The following ENPP3 variants were observed in gnomAD, a reference collection of about 807,000 sequenced individuals.
ENPP3 encodes ectonucleotide pyrophosphatase/phosphodiesterase 3.
A neutral mutation model predicts 117.8 loss-of-function variants in ENPP3; 104 were observed. That is an observed-to-expected ratio of 0.88 (90% CI 0.75 to 1.04). ENPP3 has a LOEUF of 1.04. Among genes scored for constraint, ENPP3 ranks in the 50% least tolerant of loss-of-function variants. The probability of loss-of-function intolerance (pLI) is 0.00; values close to 1 mark genes in which losing one functional copy is unlikely to be tolerated. For synonymous variants in ENPP3, 380 were observed against 349.9 expected, an observed-to-expected ratio of 1.09 and a Z score of -0.96; for missense variants, 1,026 against 1,051.9, an observed-to-expected ratio of 0.98 and a Z score of 0.34.
rs80186023 is a variant in ENPP3, at chr6:131,675,481, C to T, written c.872+292C>T. The T allele has an allele frequency of 6.5e-3, 1,700 of 260,362 alleles. 30 individuals are homozygous for T. Among genetic ancestry groups the T allele is most frequent in the African/African-American group, 0.036 (1,620 of 44,718 alleles). The allele number at this position is 260,362 out of a possible 1,614,324, so 16.1% of individuals were successfully genotyped here. A position where few individuals can be genotyped will look rare whatever the true frequency, so the allele number is the denominator to read the frequency against. ...GCAGTTGCCTCTTTACTCATCTCTG[C>T]TTCTTATCCTTTATAATCTAGTCTC... On this transcript the variant is annotated intron_variant, in intron 9 of 24. Coordinates refer to ENST00000357639, the MANE Select transcript of ENPP3 (RefSeq NM_005021.5).
At position 131,693,662 on chromosome 6, in the gene ENPP3, A is replaced by G. The variant is rs1779340937; in HGVS notation, c.1412+38A>G. ...GTTTACTTATCTCATAATGCCTTTA[A>G]TAACCATTTGTCATTATAAGTCTAC... On this transcript the variant is annotated intron_variant, in intron 15 of 24. Coordinates refer to ENST00000357639, the MANE Select transcript of ENPP3 (RefSeq NM_005021.5). 9 of 1,592,576 alleles carry G rather than the reference A, an allele frequency of 5.7e-6. No individual in the cohort carries two copies. The East Asian group carries it at 2.0e-4, about 36-fold the overall frequency.
At chr6:131,743,288 T>C (rs1780567140) in intron 24 of ENPP3, among the ~76,000 whole-genome samples, 1 of 151,746 alleles carries the variant, frequency 6.6e-6, no homozygotes, top group African/African-American at 2.4e-5. Context: ...ATATGAGAAA[T>C]AGTATAAAAC....
intron 1 of ENPP3, chr6:131,638,515 T>C (rs993908895): frequency 2.2e-6 from 1 of 452,824 alleles, no homozygotes; most frequent in South Asian, 1.6e-5. Flanking sequence ...GTGATCCTCC[T>C]GCCTCAGCCT....
intron 2 of ENPP3, 131 bp downstream of exon 2, chr6:131,641,661 CT>C: frequency 1.7e-6 from 1 of 579,206 alleles, no homozygotes; most frequent in Non-Finnish European, 3.2e-6. Context: ...AGACATCTCC[CT>C]TTCCCCACTC....
intron 18 of ENPP3, 58 bp downstream of exon 18, chr6:131,722,463 G>A (rs1476946806): frequency 2.1e-5 from 31 of 1,445,334 alleles, no homozygotes; most frequent in East Asian, 1.1e-4. Context: ...TTCTTAACCT[G>A]GGTAGCTGAC....
chr6:131,679,671 T>A (rs898486093), intron 11 of ENPP3, among the ~76,000 whole-genome samples: 18 of 152,036 alleles, frequency 1.2e-4, no homozygotes, highest in African/African-American at 4.3e-4. Flanking sequence ...TTTGGGCTGG[T>A]TAGGAGACTC....
chr6:131,733,561 A>G (rs757415459), intron 20 of ENPP3, 27 bp from the exon 21 acceptor site: 4 of 1,598,004 alleles, frequency 2.5e-6, no homozygotes, highest in Admixed American at 3.4e-5. Flanking sequence ...TTGTGGGCGT[A>G]ATTTTTTTCT....
chr6:131,693,398 A>G, intron 14 of ENPP3, 99 bp from the exon 15 acceptor site: 1 of 1,058,352 alleles, frequency 9.4e-7, no homozygotes, highest in Non-Finnish European at 1.4e-6. Context: ...AAATCCCCTT[A>G]CTTTTAAAAG....
At chr6:131,713,298 A>C (rs1233884084) in intron 15 of ENPP3, among the ~76,000 whole-genome samples, 1 of 150,700 alleles carries the variant, frequency 6.6e-6, no homozygotes, top group African/African-American at 2.5e-5. Context: ...TATTAGCAGC[A>C]TGAGAACAGA....
At chr6:131,742,858 A>G (rs1466296360) in intron 24 of ENPP3, among the ~76,000 whole-genome samples, 3 of 152,188 alleles carry the variant, frequency 2.0e-5, no homozygotes, top group African/African-American at 4.8e-5. Flanking sequence ...AGTGCAAATA[A>G]TATGAAGCTT....
intron 15 of ENPP3, among the ~76,000 whole-genome samples, chr6:131,701,884 G>GAAAAAAAAAAAAAA (rs1170025527): frequency 1.0e-5 from 1 of 96,976 alleles, no homozygotes; most frequent in Non-Finnish European, 2.1e-5. Context: ...TCTGTCTCCA[G>GAAAAAAAAAAAAAA]AAAAAAAAAA....
intron 21 of ENPP3, among the ~76,000 whole-genome samples, chr6:131,734,774 C>T (rs1165987683): frequency 6.6e-6 from 1 of 151,670 alleles, no homozygotes; most frequent in African/African-American, 2.4e-5. Context: ...TGCTGGTGCG[C>T]ACCTGTAATA....
At chr6:131,640,844 G>A (rs779771153) in intron 1 of ENPP3, among the ~76,000 whole-genome samples, 37 of 152,096 alleles carry the variant, frequency 2.4e-4, no homozygotes, top group Non-Finnish European at 3.2e-4. Flanking sequence ...TTACACCAAA[G>A]GGCTTTGTCA....
intron 13 of ENPP3, among the ~76,000 whole-genome samples, 163 bp downstream of exon 13, chr6:131,685,658 T>C (rs1329152014): frequency 9.2e-5 from 14 of 152,186 alleles, no homozygotes; most frequent in Admixed American, 2.0e-4. Flanking sequence ...GTACAGTCTA[T>C]AAAGTCTATG....
Position 131,643,108 on chromosome 6 carries a change from C to T in ENPP3, c.154+1578C>T, listed in dbSNP as rs914160265. ...GTCTACTTGAGAAACACTCAGCTTC[C>T]CTAGTATGACCTAGGAGCACAGTAG... On this transcript the variant is annotated intron_variant, in intron 2 of 24. Transcript: ENST00000357639. 3 of 152,140 alleles carry T rather than the reference C, an allele frequency of 2.0e-5. No homozygotes were observed. The East Asian group carries it at 5.8e-4, about 29-fold the overall frequency. 9.4% of individuals were successfully genotyped at this position (152,140 alleles called of 1,614,324 possible).
chr6:131,665,075 C>T (rs1312964154), intron 6 of ENPP3, among the ~76,000 whole-genome samples: 2 of 152,116 alleles, frequency 1.3e-5, no homozygotes, highest in African/African-American at 4.8e-5. Flanking sequence ...ATGTGTTGAA[C>T]CATCCTTGCA....
At chr6:131,672,553 T>C (rs1778768254) in intron 7 of ENPP3, among the ~76,000 whole-genome samples, 1 of 152,082 alleles carries the variant, frequency 6.6e-6, no homozygotes, top group African/African-American at 2.4e-5. Flanking sequence ...AATCAGAGGC[T>C]CTCAGGAACC....
chr6:131,740,521 G>C, intron 24 of ENPP3, 141 bp downstream of exon 24: 1 of 536,792 alleles, frequency 1.9e-6, no homozygotes, highest in Non-Finnish European at 3.1e-6. Flanking sequence ...TCATTTTTAG[G>C]CTTTTCCTTA....
chr6:131,656,130 T>A (rs1562431847), intron 5 of ENPP3, among the ~76,000 whole-genome samples: 2 of 152,170 alleles, frequency 1.3e-5, no homozygotes, highest in Non-Finnish European at 2.9e-5. Context: ...ACCAGACAGA[T>A]GTGAGCCAAT....
Sources: gnomAD v4.1 joint callset for allele counts (sites outside exome capture counted in the v4.1 genomes callset) on GRCh38, gnomAD v4.1.1 for gene constraint, MANE v1.5 for transcripts, NCBI Gene and HGNC (gene_info 2026-07-23, HGNC 2026-07-21) for gene names.